Variants in TTC7A observed in about 807,000 individuals in gnomAD.
TTC7A encodes tetratricopeptide repeat protein 7A.
TTC7A carries 110 observed loss-of-function variants against 103.7 expected under a neutral mutation model. That is an observed-to-expected ratio of 1.06 (90% confidence interval 0.91 to 1.24). The LOEUF (loss-of-function observed/expected upper bound fraction) is 1.24, where lower values mean the gene tolerates loss of function less well. TTC7A is among the 50% of genes most tolerant of loss of function. The pLI is 0.00. For missense variants in TTC7A, 1,340 were observed against 1,116.3 expected (o/e 1.20, Z -2.86); for synonymous variants, 521 against 467.9 (o/e 1.11, Z -1.47).
At chr2:47,020,828 G>C (rs1256062135) in intron 11 of TTC7A, among the ~76,000 whole-genome samples, 1 of 152,224 alleles carries the variant, frequency 6.6e-6, no homozygotes, top group Non-Finnish European at 1.5e-5. Flanking sequence ...AAGATACCCA[G>C]AGCTGCCCAT....
upstream of TTC7A, among the ~76,000 whole-genome samples, chr2:46,938,630 T>C (rs1670097033): frequency 1.3e-5 from 2 of 152,186 alleles, no homozygotes; most frequent in Admixed American, 1.3e-4. Flanking sequence ...ATCAGTACTT[T>C]GGTGTGTAAA....
At chr2:47,016,790 G>A (rs1405938441) in intron 11 of TTC7A, among the ~76,000 whole-genome samples, 1 of 152,234 alleles carries the variant, frequency 6.6e-6, no homozygotes, top group Non-Finnish European at 1.5e-5. Context: ...GGAGGAAGAC[G>A]TCTGGAGTAG....
chr2:46,992,461 G>C (rs1241753152), intron 5 of TTC7A, among the ~76,000 whole-genome samples: 1 of 152,194 alleles, frequency 6.6e-6, no homozygotes, highest in Non-Finnish European at 1.5e-5. Flanking sequence ...TAAGGCAGTG[G>C]AAGAAGCCAG....
chr2:46,941,135 C>G (rs1207618353), upstream of TTC7A: 1 of 147,832 alleles, frequency 6.8e-6, no homozygotes, highest in East Asian at 2.0e-4. This position sits in a 1 kb window ranked among gnomAD's most constrained non-coding sequence, Gnocchi z 4.2. Context: ...GAGCCCGGCT[C>G]GCCGAGGCCT....
At chr2:46,925,657 T>C (rs1301982021) in intron 2 of TTC7A, among the ~76,000 whole-genome samples, 1 of 152,150 alleles carries the variant, frequency 6.6e-6, no homozygotes, top group Non-Finnish European at 1.5e-5. Context: ...ACAAACCAGT[T>C]CCTAAGCTGA....
intron 5 of TTC7A, among the ~76,000 whole-genome samples, chr2:46,993,068 A>G (rs955024678): frequency 1.3e-5 from 2 of 152,256 alleles, no homozygotes; most frequent in Admixed American, 6.5e-5. Context: ...TCCAGCATCA[A>G]TCGGATACAG....
At chr2:47,045,944 A>T (rs192662445) in intron 15 of TTC7A, among the ~76,000 whole-genome samples, 1 of 152,180 alleles carries the variant, frequency 6.6e-6, no homozygotes, top group African/African-American at 2.4e-5. Context: ...TCCCACGATC[A>T]TTAGGCACAG....
intron 16 of TTC7A, chr2:47,047,431 G>C (rs1406852823): frequency 2.6e-6 from 2 of 766,864 alleles, no homozygotes; most frequent in African/African-American, 3.5e-5. Flanking sequence ...GGCGGAAGCT[G>C]CCAGAAGGAG....
intron 15 of TTC7A, among the ~76,000 whole-genome samples, chr2:47,041,930 C>T (rs535197061): frequency 2.0e-5 from 3 of 150,642 alleles, no homozygotes; most frequent in Non-Finnish European, 4.4e-5. Context: ...GGAAAAAAAA[C>T]GTATTTAATT....
At chr2:47,008,616 T>C (rs1677680855) in intron 10 of TTC7A, among the ~76,000 whole-genome samples, 1 of 152,174 alleles carries the variant, frequency 6.6e-6, no homozygotes, top group Non-Finnish European at 1.5e-5. Context: ...AGGAGATTGT[T>C]CTGGAAAGCA....
intron 3 of TTC7A, among the ~76,000 whole-genome samples, chr2:46,962,043 C>T (rs905480006): frequency 1.3e-5 from 2 of 152,210 alleles, no homozygotes; most frequent in Admixed American, 6.5e-5. Flanking sequence ...CCCTGTCTTC[C>T]ACTGAATTCC....
rs189296812 is a variant in TTC7A at position 47,015,265 on chromosome 2, A to G, written c.1392+3830A>G. Among the ~76,000 whole-genome samples, 11 of 152,326 alleles carry G rather than the reference A, an allele frequency of 7.2e-5. No homozygotes were observed. In the South Asian group the frequency reaches 1.2e-3, roughly 17 times the overall value. ...GTAAATATTTTTTTGTATCCCTCCA[A>G]TTATTTAAAATTCATTTAACTTAAA... On this transcript the variant is annotated intron_variant, in intron 11 of 19. Coordinates refer to ENST00000319190, the MANE Select transcript of TTC7A (RefSeq NM_020458.4).
intron 8 of TTC7A, among the ~76,000 whole-genome samples, chr2:47,005,432 A>G (rs1178153987): frequency 3.3e-5 from 5 of 152,170 alleles, no homozygotes; most frequent in African/African-American, 1.2e-4. Flanking sequence ...GGACTGTTCC[A>G]TAAAACGACT....
Position 46,993,465 on chromosome 2 carries a change from C to T in TTC7A, c.780C>T (p.Gly260=), listed in dbSNP as rs778408769. ...KNLKKGNIVK[G]MRELREVLRT... ...CTCCCACCAGGAACATCGTGAAGGG[C>T]ATGAGAGAGCTCCGGGAGGTGCTGC... Residue 260 remains glycine (G), a synonymous_variant, in exon 6 of 20, where the codon GGC becomes GGT. Transcript: ENST00000319190. 4 of 1,614,150 alleles carry T rather than the reference C, an allele frequency of 2.5e-6. No individual in the cohort carries two copies. The highest frequency in any genetic ancestry group is 1.1e-5 in the South Asian group (1 of 91,088).
At chr2:46,981,381 A>T (rs1035030649) in intron 5 of TTC7A, among the ~76,000 whole-genome samples, 2 of 151,556 alleles carry the variant, frequency 1.3e-5, no homozygotes, top group African/African-American at 4.9e-5. Flanking sequence ...GTCGAGGAGG[A>T]GGTGAGCTCA....
At chr2:46,931,254 A>G (rs912221957) in intron 2 of TTC7A, among the ~76,000 whole-genome samples, 1 of 152,200 alleles carries the variant, frequency 6.6e-6, no homozygotes. Flanking sequence ...AATTAAAAAA[A>G]ATTTTCTTTT....
At chr2:47,014,885 A>G (rs1678473130) in intron 11 of TTC7A, among the ~76,000 whole-genome samples, 1 of 152,232 alleles carries the variant, frequency 6.6e-6, no homozygotes, top group Non-Finnish European at 1.5e-5. Context: ...CTCTTCCCAC[A>G]TCCTGTCCTC....
chr2:46,949,955 A>G (rs1671264386), intron 1 of TTC7A, among the ~76,000 whole-genome samples: 1 of 152,264 alleles, frequency 6.6e-6, no homozygotes, highest in Non-Finnish European at 1.5e-5. Context: ...ATGTAAAAGT[A>G]CATTATTAAA....
chr2:47,065,606 G>A lies in TTC7A; in HGVS notation c.2355+4635G>A, dbSNP rs572334344. ...TTATATCCTGCTTTTAGGCAAATAGGGGGAGGGCAGAGAGCTTTTCTTTTC... is the reference window on the plus strand; with the variant it reads ...TTATATCCTGCTTTTAGGCAAATAGAGGGAGGGCAGAGAGCTTTTCTTTTC... On this transcript the variant is annotated intron_variant, in intron 19 of 19. Transcript: ENST00000319190. Among the ~76,000 whole-genome samples, 8 of 152,290 alleles carry A rather than the reference G, an allele frequency of 5.3e-5. No individual in the cohort carries two copies. The East Asian group carries it at 1.5e-3, about 29-fold the overall frequency.
Sources: allele counts gnomAD v4.1 joint callset (sites outside exome capture counted in the v4.1 genomes callset), GRCh38; gene constraint gnomAD v4.1.1; non-coding constraint Gnocchi (gnomAD v3.1); transcripts MANE v1.5; gene names NCBI Gene and HGNC (gene_info 2026-07-23, HGNC 2026-07-21).